The following IL4 variants were observed in gnomAD, a reference collection of about 807,000 sequenced individuals.
IL4 encodes interleukin 4, also known as interleukin-4.
Under a neutral mutation model 17.4 loss-of-function variants are expected in IL4, and 10 were observed. The ratio of observed to expected loss-of-function variants is 0.57; its 90% CI spans 0.35 to 0.97. The LOEUF is 0.97. IL4 is among the 50% of genes least tolerant of loss of function. IL4 has a pLI of 0.01. For synonymous variants in IL4, 87 were observed against 79.0 expected (o/e 1.10, Z -0.54); for missense variants, 174 against 187.7 (o/e 0.93, Z 0.43).
chr5:132,674,137 C>T lies in IL4; in HGVS notation c.87C>T (p.Ile29=), dbSNP rs146465223. The T allele has an allele frequency of 4.5e-5, 72 of 1,614,136 alleles. No individual in the cohort carries two copies. In the African/African-American group the frequency reaches 8.8e-4, roughly 20 times the overall value. The stretch of plus-strand genomic sequence containing the variant: ...TTGTCCACGGACACAAGTGCGATAT[C>T]ACCTTACAGGAGATCATCAAAACTT... ...GNFVHGHKCD[I]TLQEIIKTLN... The change falls in exon 1 of 4, where the codon ATC becomes ATT. Residue 29 remains isoleucine, a synonymous_variant. Coordinates refer to ENST00000231449, the MANE Select transcript of IL4 (RefSeq NM_000589.4).
intron 2 of IL4, among the ~76,000 whole-genome samples, chr5:132,677,248 G>A (rs1752398720): frequency 6.6e-6 from 1 of 152,182 alleles, no homozygotes; most frequent in Non-Finnish European, 1.5e-5. Context: ...CTCTCACAGA[G>A]TCACTGCCAC....
At chr5:132,674,310 C>A (rs1216318285) in intron 1 of IL4, 125 bp downstream of exon 1, 1 of 1,353,492 alleles carries the variant, frequency 7.4e-7, no homozygotes, top group Admixed American at 1.8e-5. Context: ...CCAGGGCACA[C>A]AGCGAGGCTT....
intron 2 of IL4, among the ~76,000 whole-genome samples, chr5:132,674,831 A>C (rs1279440341): frequency 6.6e-6 from 1 of 152,262 alleles, no homozygotes. Context: ...CTGTTGAATG[A>C]GAGAATTTTT....
At chr5:132,677,827 G>GC (rs1211045091) in intron 2 of IL4, 8 of 152,164 alleles carry the variant, frequency 5.3e-5, no homozygotes, top group African/African-American at 1.2e-4. Context: ...ACCATCTGCC[G>GC]CCCCCCATCA....
intron 2 of IL4, among the ~76,000 whole-genome samples, chr5:132,678,810 T>C (rs1752431478): frequency 6.6e-6 from 1 of 152,180 alleles, no homozygotes; most frequent in Non-Finnish European, 1.5e-5. Context: ...TGTTCTTCAG[T>C]GAAAAATGAG....
At chr5:132,675,925 G>T (rs1210636847) in intron 2 of IL4, among the ~76,000 whole-genome samples, 1 of 105,562 alleles carries the variant, frequency 9.5e-6, no homozygotes, top group Non-Finnish European at 2.2e-5. Flanking sequence ...ATATGTGTAT[G>T]TATATGTGTG....
rs1752333457 is a variant in IL4 at position 132,674,076 on chromosome 5, C to A, written c.26C>A (p.Pro9His). Reference protein sequence around the residue: MGLTSQLLPPLFFLLACAG... With the variant: MGLTSQLLHPLFFLLACAG... ...ATGGGTCTCACCTCCCAACTGCTTC[C>A]CCCTCTGTTCTTCCTGCTAGCATGT... is the stretch of plus-strand genomic sequence containing the variant. Residue 9 changes from proline (P) to histidine (H), a missense_variant, in exon 1 of 4, where the codon CCC (proline) becomes CAC (histidine). By Grantham distance (77) the Pro-to-His change is moderately conservative (BLOSUM62 -2). Coordinates refer to ENST00000231449, the MANE Select transcript of IL4 (RefSeq NM_000589.4). 3.1e-5 allele frequency: 50 copies of A among 1,614,052 alleles called. No individual in the cohort carries two copies. The highest frequency in any genetic ancestry group is 4.2e-5 in the Non-Finnish European group (49 of 1,180,022).
At chr5:132,679,997 C>A (rs185094594) in intron 3 of IL4, 107 bp downstream of exon 3, 2 of 887,364 alleles carry the variant, frequency 2.3e-6, no homozygotes, top group Non-Finnish European at 3.4e-6. Flanking sequence ...TCAACCCATT[C>A]ATTCATTCAC....
rs1264062235 is a variant in IL4, at chr5:132,674,198, C to A, written c.135+13C>A. 1 of 1,612,518 alleles carries A rather than the reference C, an allele frequency of 6.2e-7. No homozygotes were observed. The highest frequency in any genetic ancestry group is 8.5e-7 in the Non-Finnish European group (1 of 1,178,572). ...CACAGAGCAGAAGGTGAGTACCTAT[C>A]TGGCACCATCTCTCCAGATGTTCTG... On this transcript the variant is annotated intron_variant, in intron 1 of 3. Transcript: ENST00000231449.
chr5:132,677,506 C>A (rs1182676673), intron 2 of IL4, among the ~76,000 whole-genome samples: 1 of 152,214 alleles, frequency 6.6e-6, no homozygotes, highest in South Asian at 2.1e-4. Flanking sequence ...TAAGGCCTTG[C>A]ACTAAAGCTG....
chr5:132,675,339 C>T (rs573654737), intron 2 of IL4, among the ~76,000 whole-genome samples: 2 of 152,302 alleles, frequency 1.3e-5, no homozygotes, highest in South Asian at 4.1e-4. Flanking sequence ...GGTCTCCTAA[C>T]TACCTGCTTT....
chr5:132,675,982 G>A (rs183516266), intron 2 of IL4, among the ~76,000 whole-genome samples: 6 of 140,104 alleles, frequency 4.3e-5, no homozygotes, highest in Middle Eastern at 3.5e-3. Context: ...CCATCCAACC[G>A]AGATGGCTCC....
Position 132,682,662 on chromosome 5 carries a change from G to A in IL4, c.*75G>A, listed in dbSNP as rs1158104123. 2.8e-6 allele frequency: 2 copies of A among 704,414 alleles called. No individual in the cohort carries two copies. Among genetic ancestry groups the A allele is most frequent in the Non-Finnish European group, 4.6e-6 (2 of 434,162 alleles). 43.6% of individuals were successfully genotyped at this position (704,414 alleles called of 1,614,324 possible). A position where few individuals can be genotyped will look rare whatever the true frequency, so the allele number is the denominator to read the frequency against. ...TATTTATAACTCATCATAAAATAAA[G>A]TATATATAGAATCTAACAGCAATGG... On this transcript the variant is annotated 3_prime_UTR_variant, in exon 4 of 4. Coordinates refer to ENST00000231449, the MANE Select transcript of IL4 (RefSeq NM_000589.4).
chr5:132,675,509 C>T (rs891853206), intron 2 of IL4, among the ~76,000 whole-genome samples: 6 of 151,676 alleles, frequency 4.0e-5, no homozygotes, highest in African/African-American at 1.5e-4. Context: ...TTAGTTATCC[C>T]GGGAGTCCGA....
intron 2 of IL4, among the ~76,000 whole-genome samples, chr5:132,677,003 G>A (rs1229303136): frequency 1.3e-5 from 2 of 152,180 alleles, no homozygotes; most frequent in African/African-American, 4.8e-5. Flanking sequence ...GGCTGATGAA[G>A]GGTTTCTTGG....
At chr5:132,674,552 T>A (rs1752344366) in intron 2 of IL4, 46 bp downstream of exon 2, 1 of 1,488,118 alleles carries the variant, frequency 6.7e-7, no homozygotes, top group Non-Finnish European at 9.4e-7. Flanking sequence ...GGGAGATCCA[T>A]CCCCAAATGT....
chr5:132,675,004 G>A (rs924726926), intron 2 of IL4, among the ~76,000 whole-genome samples: 1 of 152,214 alleles, frequency 6.6e-6, no homozygotes, highest in South Asian at 2.1e-4. Context: ...ACAGCCCTCT[G>A]GGTTCCGGGG....
Position 132,679,908 on chromosome 5 carries a change from C to A in IL4, c.360+18C>A, listed in dbSNP as rs71645916. On this transcript the variant is annotated intron_variant, in intron 3 of 3. Transcript: ENST00000231449. ...CGGGCTTGGTAAGCTGCACTGTATT[C>A]CTGGCAAGCCGGCCGCGTGGCTCCT... The A allele has an allele frequency of 8.1e-4, 1,284 of 1,593,930 alleles. 13 individuals carry two copies. Among genetic ancestry groups the A allele is most frequent in the African/African-American group, 4.8e-3 (355 of 74,292 alleles).
At chr5:132,674,640 G>A (rs563871456) in intron 2 of IL4, 134 bp downstream of exon 2, 11 of 691,296 alleles carry the variant, frequency 1.6e-5, no homozygotes, top group Non-Finnish European at 2.8e-5. Flanking sequence ...CAAAGAACGA[G>A]AAGTCTGATC....
Sources: gnomAD v4.1 joint callset for allele counts (sites outside exome capture counted in the v4.1 genomes callset) on GRCh38, gnomAD v4.1.1 for gene constraint, MANE v1.5 for transcripts, NCBI Gene and HGNC (gene_info 2026-07-23, HGNC 2026-07-21) for gene names.